Variants in CHST15 observed in about 807,000 individuals in gnomAD.
CHST15 encodes B cell RAG associated protein (GALNAC4S-6ST).
CHST15 carries 30 observed loss-of-function variants against 53.6 expected under a neutral mutation model. That is an observed-to-expected ratio of 0.56 (90% CI 0.42 to 0.76). CHST15 has a LOEUF of 0.76. Among genes scored for constraint, CHST15 ranks in the 30% least tolerant of loss-of-function variants. The pLI, the probability that CHST15 is intolerant of heterozygous loss-of-function variation, is 0.00. For missense variants in CHST15, 627 were observed against 740.5 expected, an observed-to-expected ratio of 0.85 and a Z score of 1.78; for synonymous variants, 296 against 289.8, an observed-to-expected ratio of 1.02 and a Z score of -0.22.
At chr10:124,088,722 C>T (rs141795268) in intron 1 of CHST15, among the ~76,000 whole-genome samples, 74 of 152,314 alleles carry the variant, frequency 4.9e-4, no homozygotes, top group Non-Finnish European at 9.3e-4. Flanking sequence ...AGAGGGCCAG[C>T]TTCAAACCTA....
intron 1 of CHST15, among the ~76,000 whole-genome samples, chr10:124,055,748 G>C (rs1948356506): frequency 6.6e-6 from 1 of 152,200 alleles, no homozygotes; most frequent in Non-Finnish European, 1.5e-5. Context: ...ACTTGTTTCA[G>C]TGCTCAACAA....
At chr10:124,040,667 T>C (rs543105982) in intron 4 of CHST15, among the ~76,000 whole-genome samples, 2 of 152,262 alleles carry the variant, frequency 1.3e-5, no homozygotes, top group South Asian at 4.1e-4. Context: ...ACTGACCTGG[T>C]CCAACAATCC....
chr10:124,025,427 C>G (rs934892815), intron 5 of CHST15, among the ~76,000 whole-genome samples: 15 of 152,218 alleles, frequency 9.9e-5, no homozygotes, highest in African/African-American at 3.6e-4. Flanking sequence ...CTCTCAGTCA[C>G]CTCTGGGTAC....
At chr10:124,044,552 G>A (rs1238849599) in intron 3 of CHST15, 28 bp downstream of exon 3, 2 of 1,462,694 alleles carry the variant, frequency 1.4e-6, no homozygotes, top group East Asian at 5.1e-5. Context: ...AACGAGACCA[G>A]ACAGGAGCCC....
chr10:124,022,292 G>A (rs2133869050), intron 5 of CHST15, among the ~76,000 whole-genome samples: 1 of 152,326 alleles, frequency 6.6e-6, no homozygotes, highest in Middle Eastern at 3.4e-3. Flanking sequence ...CCACGTAATT[G>A]AACTGAACTC....
intron 5 of CHST15, among the ~76,000 whole-genome samples, chr10:124,026,290 G>A (rs564327055): frequency 7.2e-5 from 11 of 152,292 alleles, no homozygotes; most frequent in East Asian, 1.9e-4. Context: ...AGAATTAAGC[G>A]AATGCTTCCT....
At chr10:124,069,607 T>G (rs1429032463) in intron 1 of CHST15, among the ~76,000 whole-genome samples, 1 of 152,148 alleles carries the variant, frequency 6.6e-6, no homozygotes, top group Non-Finnish European at 1.5e-5. Flanking sequence ...TGAACAGGGA[T>G]GGACAGTTTA....
At position 124,009,240 on chromosome 10, in the gene CHST15, T is replaced by G; in HGVS notation, c.*909A>C. ...ATTTTCCAAGAAGTGTTCAATTCCT[T>G]GAGGTTGCTCATTCTGGCATTAACA... is the stretch of plus-strand genomic sequence containing the variant. On this transcript the variant is annotated 3_prime_UTR_variant, in exon 8 of 8. Transcript: ENST00000435907. 1 of 1,102,636 alleles carries G rather than the reference T, an allele frequency of 9.1e-7. No individual in the cohort carries two copies. Among genetic ancestry groups the G allele is most frequent in the South Asian group, 2.1e-5 (1 of 46,570 alleles). 68.3% of individuals were successfully genotyped at this position (1,102,636 alleles called of 1,614,324 possible). A position where few individuals can be genotyped will look rare whatever the true frequency, so the allele number is the denominator to read the frequency against.
At chr10:124,057,799 A>G (rs1462399038) in intron 1 of CHST15, among the ~76,000 whole-genome samples, 1 of 152,148 alleles carries the variant, frequency 6.6e-6, no homozygotes, top group Admixed American at 6.5e-5. Flanking sequence ...CTATTCTGTG[A>G]TAGCTTGCTC....
rs553518116 is a variant in CHST15, at chr10:124,023,866, G to A, written c.1191-2454C>T. 4.0e-5 allele frequency among the ~76,000 whole-genome samples: 6 copies of A among 150,380 alleles called. No individual in the cohort carries two copies. The East Asian group carries it at 5.8e-4, about 15-fold the overall frequency. ...TCTTCGTTTTTTTTTTTTTTGAAGCGGAGTTTCGCTTTTGTTGCCCAGGTT... is the reference window on the plus strand; with the variant it reads ...TCTTCGTTTTTTTTTTTTTTGAAGCAGAGTTTCGCTTTTGTTGCCCAGGTT... On this transcript the variant is annotated intron_variant, in intron 5 of 7. Coordinates refer to ENST00000435907, the MANE Select transcript of CHST15 (RefSeq NM_001270764.2).
chr10:124,017,871 C>G (rs1475327206), intron 6 of CHST15, among the ~76,000 whole-genome samples: 2 of 152,192 alleles, frequency 1.3e-5, no homozygotes, highest in Non-Finnish European at 2.9e-5. Flanking sequence ...ACTTCCCATC[C>G]GTACTCTGAC....
intron 3 of CHST15, among the ~76,000 whole-genome samples, chr10:124,043,928 C>T (rs1229820641): frequency 6.7e-6 from 1 of 150,290 alleles, no homozygotes; most frequent in African/African-American, 2.5e-5. Flanking sequence ...AGCAGGGGAA[C>T]AGCACAGAGC....
At chr10:124,011,211 C>G (rs186217615) in intron 7 of CHST15, among the ~76,000 whole-genome samples, 1 of 151,634 alleles carries the variant, frequency 6.6e-6, no homozygotes, top group Non-Finnish European at 1.5e-5. Context: ...GCCTCTTTAC[C>G]GGGGGCTCTT....
intron 5 of CHST15, among the ~76,000 whole-genome samples, chr10:124,032,449 G>T (rs1947259311): frequency 6.6e-6 from 1 of 152,196 alleles, no homozygotes; most frequent in South Asian, 2.1e-4. Context: ...CAACTAGGTT[G>T]GAGGTGCCAG....
chr10:124,054,022 C>A (rs1407980819), intron 1 of CHST15, among the ~76,000 whole-genome samples: 6 of 152,142 alleles, frequency 3.9e-5, no homozygotes, highest in Admixed American at 3.9e-4. Flanking sequence ...TATTTTCTGA[C>A]AAAATGTGTT....
chr10:124,041,580 CATGGCT>C (rs1564876396), intron 4 of CHST15, among the ~76,000 whole-genome samples: 1 of 152,112 alleles, frequency 6.6e-6, no homozygotes, highest in Non-Finnish European at 1.5e-5. Flanking sequence ...GTGAAAAAAA[CATGGCT>C]ATGTTAATTT....
At position 124,008,357 on chromosome 10, in the gene CHST15, ACG is replaced by A; in HGVS notation, c.*1790_*1791del. 3.9e-6 allele frequency: 4 copies of A among 1,017,606 alleles called. No individual in the cohort carries two copies. Among genetic ancestry groups the A allele is most frequent in the Non-Finnish European group, 4.7e-6 (4 of 847,352 alleles). The allele number at this position is 1,017,606 out of a possible 1,614,324, so 63.0% of individuals were successfully genotyped here. Reference sequence around the variant, plus strand: ...CACACGTGCGCGTACACACACACACACGCGCGCACTGTACTGCAAATAAATAT... The same window carrying A: ...CACACGTGCGCGTACACACACACACACGCGCACTGTACTGCAAATAAATAT... On this transcript the variant is annotated 3_prime_UTR_variant, in exon 8 of 8. Transcript: ENST00000435907.
chr10:124,042,379 G>C lies in CHST15; in HGVS notation c.955C>G (p.Leu319Val). The C allele has an allele frequency of 6.2e-7, 1 of 1,614,214 alleles. No homozygotes were observed. The highest frequency in any genetic ancestry group is 8.5e-7 in the Non-Finnish European group (1 of 1,180,040). Residue 319 changes from leucine to valine, a missense_variant, in exon 4 of 8, where the codon CTG becomes GTG. Leu to Val is a conservative substitution (Grantham distance 32). Coordinates refer to ENST00000435907, the MANE Select transcript of CHST15 (RefSeq NM_001270764.2). ...PVEDYLDLFD[L>V]AAHQIHQGLQ... Reference sequence around the variant, plus strand: ...CCTTGATGGATCTGGTGTGCGGCCAGGTCAAAGAGGTCCAGATAATCTTCC... The same window carrying C: ...CCTTGATGGATCTGGTGTGCGGCCACGTCAAAGAGGTCCAGATAATCTTCC...
intron 6 of CHST15, chr10:124,020,483 T>A: frequency 1.0e-6 from 1 of 985,396 alleles, no homozygotes; most frequent in Non-Finnish European, 1.2e-6. Context: ...ACGGCCTCTG[T>A]AGTAAGAAAG....
Sources: allele counts gnomAD v4.1 joint callset (sites outside exome capture counted in the v4.1 genomes callset), GRCh38; gene constraint gnomAD v4.1.1; transcripts MANE v1.5; gene names NCBI Gene and HGNC (gene_info 2026-07-23, HGNC 2026-07-21).